DYSF: variants seen among roughly 807,000 people sequenced by gnomAD.
DYSF encodes dysferlin.
DYSF carries 212 observed loss-of-function variants against 274.9 expected under a neutral mutation model. That is an observed-to-expected ratio of 0.77 (90% CI 0.69 to 0.86). DYSF has a LOEUF of 0.86. Ranked by LOEUF, DYSF falls within the 40% of genes least tolerant of loss-of-function variation. The probability of loss-of-function intolerance (pLI) is 0.00; values close to 1 mark genes in which losing one functional copy is unlikely to be tolerated. For missense variants in DYSF, 2,666 were observed against 2,783.2 expected, an observed-to-expected ratio of 0.96 and a Z score of 0.95; for synonymous variants, 1,091 against 1,078.7, an observed-to-expected ratio of 1.01 and a Z score of -0.22.
intron 45 of DYSF, 75 bp from the exon 46 acceptor site, chr2:71,664,193 C>T (rs950614551): frequency 1.7e-5 from 27 of 1,599,252 alleles, no homozygotes; most frequent in East Asian, 6.7e-5. Context: ...GGGGTAGTTT[C>T]GAGCTCTTGT....
chr2:71,579,191 G>T (rs2092808804), intron 30 of DYSF, among the ~76,000 whole-genome samples: 1 of 152,150 alleles, frequency 6.6e-6, no homozygotes, highest in African/African-American at 2.4e-5. Flanking sequence ...GGTGACGGCT[G>T]CCGGGATGAG....
chr2:71,569,543 C>G (rs183605570), intron 26 of DYSF, among the ~76,000 whole-genome samples: 105 of 152,298 alleles, frequency 6.9e-4, no homozygotes, highest in African/African-American at 2.4e-3. Flanking sequence ...TCCATCAAGC[C>G]TCGACTGCCC....
chr2:71,534,909 C>A, intron 14 of DYSF, 112 bp from the exon 15 acceptor site: 1 of 1,150,018 alleles, frequency 8.7e-7, no homozygotes, highest in Non-Finnish European at 1.3e-6. Flanking sequence ...TTACACCCAG[C>A]CCTAAGGGCA....
At chr2:71,648,760 G>A (rs2094606897) in intron 42 of DYSF, among the ~76,000 whole-genome samples, 1 of 152,018 alleles carries the variant, frequency 6.6e-6, no homozygotes, top group Non-Finnish European at 1.5e-5. Context: ...AAAGAAAAAA[G>A]CAATATTAAG....
At chr2:71,453,723 G>C in exon 1 of DYSF, 1 of 520,680 alleles carries the variant, frequency 1.9e-6, no homozygotes, top group South Asian at 2.0e-5. Context: ...GGGCGGCGGG[G>C]GTGGAAGATG....
Position 71,549,498 on chromosome 2 carries a change from A to T in DYSF, c.1577-1543A>T, listed in dbSNP as rs548967151. The stretch of plus-strand genomic sequence containing the variant: ...GGGTTTTTGATTTGCCTGAGGTGGG[A>T]TTGAGATTCCCCCACAAAGGTAAGT... On this transcript the variant is annotated intron_variant, in intron 17 of 55. Transcript: ENST00000410020. 19 of 1,095,450 alleles carry T rather than the reference A, an allele frequency of 1.7e-5. No individual in the cohort carries two copies. In the East Asian group the frequency reaches 4.7e-4, roughly 27 times the overall value. The allele number at this position is 1,095,450 out of a possible 1,614,324, so 67.9% of individuals were successfully genotyped here.
rs760431679 is a variant in DYSF, at chr2:71,604,318, T to A, written c.3957+1513T>A. Among the ~76,000 whole-genome samples the A allele has an allele frequency of 3.1e-4, 47 of 152,096 alleles. 1 individual carries two copies. Among genetic ancestry groups the A allele is most frequent in the Admixed American group, 2.6e-3 (40 of 15,274 alleles). On this transcript the variant is annotated intron_variant, in intron 36 of 55. Transcript: ENST00000410020. ...CGCTTTAAGAAGCCCCAGGGCTGGG[T>A]GGTCCTTCTGTTGCCACTGGTCCTC...
At chr2:71,561,399 C>T (rs1005659881) in intron 22 of DYSF, among the ~76,000 whole-genome samples, 1 of 152,134 alleles carries the variant, frequency 6.6e-6, no homozygotes, top group African/African-American at 2.4e-5. Flanking sequence ...GAGCAGGACC[C>T]CCTGGGCCCT....
intron 1 of DYSF, among the ~76,000 whole-genome samples, chr2:71,476,670 A>G (rs1469857606): frequency 6.6e-6 from 1 of 152,138 alleles, no homozygotes; most frequent in Non-Finnish European, 1.5e-5. Flanking sequence ...CAGTAAAAGG[A>G]TTAGTTTGAA....
chr2:71,504,211 G>T (rs557783518), intron 4 of DYSF, among the ~76,000 whole-genome samples: 1 of 152,256 alleles, frequency 6.6e-6, no homozygotes, highest in South Asian at 2.1e-4. Context: ...TCCCATGGGG[G>T]CCTGGACCAG....
chr2:71,581,316 T>A (rs1214719715), intron 30 of DYSF, among the ~76,000 whole-genome samples: 4 of 152,216 alleles, frequency 2.6e-5, no homozygotes, highest in Non-Finnish European at 5.9e-5. Context: ...GCAAGGAGTT[T>A]AGCAGCTGCT....
intron 42 of DYSF, among the ~76,000 whole-genome samples, chr2:71,654,736 T>G (rs1052095732): frequency 5.3e-5 from 8 of 152,108 alleles, no homozygotes; most frequent in African/African-American, 1.9e-4. Flanking sequence ...TTTATAGAAG[T>G]ATATTTTTTG....
intron 3 of DYSF, among the ~76,000 whole-genome samples, chr2:71,493,202 T>C (rs982908897): frequency 2.0e-5 from 3 of 152,194 alleles, no homozygotes; most frequent in Non-Finnish European, 4.4e-5. Context: ...ACCATACTTT[T>C]ATCTAATATA....
At chr2:71,482,489 T>C (rs1291994490) in intron 3 of DYSF, among the ~76,000 whole-genome samples, 1 of 152,096 alleles carries the variant, frequency 6.6e-6, no homozygotes, top group Non-Finnish European at 1.5e-5. Context: ...GCCTGGGCGC[T>C]TCCCTGTGTT....
At chr2:71,620,895 C>T (rs1040159032) in intron 41 of DYSF, among the ~76,000 whole-genome samples, 4 of 151,962 alleles carry the variant, frequency 2.6e-5, no homozygotes, top group African/African-American at 4.8e-5. Flanking sequence ...CCAGTGGAAG[C>T]GGGGAAATCT....
chr2:71,664,531 C>A, intron 46 of DYSF, 93 bp downstream of exon 46: 1 of 1,510,538 alleles, frequency 6.6e-7, no homozygotes, highest in Non-Finnish European at 9.1e-7. Flanking sequence ...TTACTGTGTG[C>A]CAGCCCTGGG....
At chr2:71,536,532 G>A (rs1025279509) in intron 16 of DYSF, among the ~76,000 whole-genome samples, 3 of 152,244 alleles carry the variant, frequency 2.0e-5, no homozygotes, top group South Asian at 2.1e-4. Flanking sequence ...GACTGCGGGC[G>A]ATGAGCTGTG....
At chr2:71,570,838 T>TCTGTGG in intron 29 of DYSF, 97 bp downstream of exon 29, 1 of 1,550,052 alleles carries the variant, frequency 6.5e-7, no homozygotes, top group Non-Finnish European at 8.7e-7. Flanking sequence ...CATGCATGTG[T>TCTGTGG]GCACACAGCA....
intron 51 of DYSF, among the ~76,000 whole-genome samples, chr2:71,671,459 C>T (rs532012265): frequency 6.6e-6 from 1 of 152,230 alleles, no homozygotes; most frequent in East Asian, 1.9e-4. Context: ...CTGCGCCCCC[C>T]GTGGCACCCC....
Sources: allele counts gnomAD v4.1 joint callset (sites outside exome capture counted in the v4.1 genomes callset), GRCh38; gene constraint gnomAD v4.1.1; transcripts MANE v1.5; gene names NCBI Gene and HGNC (gene_info 2026-07-23, HGNC 2026-07-21).